Variants in NRXN3 observed in about 807,000 individuals in gnomAD.
NRXN3 encodes neurexin III.
Under a neutral mutation model 137.6 loss-of-function variants are expected in NRXN3, and 32 were observed. The observed-to-expected ratio is 0.23, with a 90% confidence interval of 0.18 to 0.31. The LOEUF is 0.31. NRXN3 is among the 10% of genes least tolerant of loss of function. The pLI is 1.00. For missense variants in NRXN3, 1,574 were observed against 2,062.5 expected (o/e 0.76, Z 4.59); for synonymous variants, 798 against 784.5 (o/e 1.02, Z -0.29).
chr14:79,106,250 T>G (rs1447211472), intron 15 of NRXN3, among the ~76,000 whole-genome samples: 2 of 152,110 alleles, frequency 1.3e-5, no homozygotes, highest in Non-Finnish European at 2.9e-5. Flanking sequence ...TGGCCTTGGA[T>G]GACGGTAGGT....
chr14:78,470,404 A>G (rs2095236781), intron 4 of NRXN3, among the ~76,000 whole-genome samples: 1 of 151,914 alleles, frequency 6.6e-6, no homozygotes, highest in Non-Finnish European at 1.5e-5. Flanking sequence ...TGCTTCAAAT[A>G]TTATACTTAG....
intron 15 of NRXN3, among the ~76,000 whole-genome samples, chr14:79,411,720 ATC>A (rs2095420285): frequency 6.6e-6 from 1 of 152,190 alleles, no homozygotes; most frequent in South Asian, 2.1e-4. Flanking sequence ...TTTCTCATTT[ATC>A]TGTCATTCAT....
chr14:79,595,135 G>C (rs1015874963), intron 16 of NRXN3, among the ~76,000 whole-genome samples: 13 of 152,160 alleles, frequency 8.5e-5, no homozygotes, highest in Admixed American at 7.9e-4. Flanking sequence ...GTGGCCAACA[G>C]GTCTTCCATG....
chr14:79,235,836 C>T (rs575690840), intron 15 of NRXN3, among the ~76,000 whole-genome samples: 1 of 152,124 alleles, frequency 6.6e-6, no homozygotes, highest in South Asian at 2.1e-4. Context: ...TTGTACTCAT[C>T]ATCACTAGAT....
chr14:79,487,069 TG>T (rs1416576484), intron 16 of NRXN3, among the ~76,000 whole-genome samples: 1 of 151,950 alleles, frequency 6.6e-6, no homozygotes, highest in African/African-American at 2.4e-5. Flanking sequence ...GTTCAAATCC[TG>T]ATCCTATCAC....
intron 16 of NRXN3, among the ~76,000 whole-genome samples, chr14:79,574,222 CCA>C (rs139060549): frequency 3.7e-4 from 55 of 147,272 alleles, no homozygotes; most frequent in Non-Finnish European, 4.1e-4. Context: ...GTGCATGCAC[CCA>C]CACACACACA....
intron 4 of NRXN3, among the ~76,000 whole-genome samples, chr14:78,413,993 G>A (rs8006308): frequency 0.45 from 68,385 of 151,990 alleles, 15,604 homozygotes; most frequent in Middle Eastern, 0.61. Context: ...TTTTATAAAA[G>A]AGAGTTCCCC....
At chr14:78,314,629 A>G (rs1056815415) in intron 4 of NRXN3, among the ~76,000 whole-genome samples, 8 of 152,172 alleles carry the variant, frequency 5.3e-5, no homozygotes, top group African/African-American at 1.9e-4. Context: ...GGAGATTGGG[A>G]AATGCAATTT....
chr14:78,218,541 G>T (rs1307490154), intron 1 of NRXN3, among the ~76,000 whole-genome samples: 2 of 152,186 alleles, frequency 1.3e-5, no homozygotes, highest in Non-Finnish European at 1.5e-5. Flanking sequence ...TCCATTTTCT[G>T]GGATACTAAT....
intron 4 of NRXN3, among the ~76,000 whole-genome samples, chr14:78,371,482 CTGGACAAGAATTCAGGA>C (rs2086818996): frequency 1.3e-5 from 2 of 152,172 alleles, no homozygotes; most frequent in Admixed American, 1.3e-4. Context: ...TTCCTGGACA[CTGGACAAGAATTCAGGA>C]TGCCCTGGAT....
chr14:79,001,980 C>G (rs540454987), intron 15 of NRXN3, among the ~76,000 whole-genome samples: 83 of 152,232 alleles, frequency 5.5e-4, no homozygotes, highest in Non-Finnish European at 9.9e-4. Context: ...ATAAATAAAG[C>G]AAGTAGGATT....
chr14:78,920,838 T>C (rs1457946332), intron 10 of NRXN3, among the ~76,000 whole-genome samples: 1 of 152,178 alleles, frequency 6.6e-6, no homozygotes, highest in Non-Finnish European at 1.5e-5. Flanking sequence ...GGACAAAACA[T>C]GAGGAAGAGG....
At chr14:79,241,535 G>A (rs368088066) in intron 15 of NRXN3, among the ~76,000 whole-genome samples, 24 of 152,150 alleles carry the variant, frequency 1.6e-4, no homozygotes, top group African/African-American at 5.1e-4. Flanking sequence ...TCACTACCAC[G>A]AGAACAGTAT....
At chr14:79,747,588 G>A (rs147952756) in intron 19 of NRXN3, among the ~76,000 whole-genome samples, 15 of 152,172 alleles carry the variant, frequency 9.9e-5, no homozygotes, top group Admixed American at 2.0e-4. Flanking sequence ...TACTAAAGCC[G>A]TGTAGTAAAT....
At position 79,271,536 on chromosome 14, in the gene NRXN3, C is replaced by T. The variant is rs574073257; in HGVS notation, c.3263-195685C>T. Among the ~76,000 whole-genome samples the T allele has an allele frequency of 1.5e-3, 216 of 141,954 alleles. 1 individual carries two copies. Among genetic ancestry groups the T allele is most frequent in the Middle Eastern group, 3.5e-3 (1 of 284 alleles). 93.1% of individuals were successfully genotyped at this position (141,954 alleles called of 152,430 possible). A position where few individuals can be genotyped will look rare whatever the true frequency, so the allele number is the denominator to read the frequency against. On this transcript the variant is annotated intron_variant, in intron 15 of 20. Transcript: ENST00000335750. Reference sequence around the variant, plus strand: ...CCTCCCCTCCTCTTTCTTCCCCTTCCCTTTCCCTGGCCTGCCCTTTCCTTC... The same window carrying T: ...CCTCCCCTCCTCTTTCTTCCCCTTCTCTTTCCCTGGCCTGCCCTTTCCTTC...
intron 19 of NRXN3, among the ~76,000 whole-genome samples, chr14:79,793,038 G>C (rs1303342801): frequency 6.6e-6 from 1 of 152,130 alleles, no homozygotes; most frequent in East Asian, 1.9e-4. Context: ...CAGATAGAGA[G>C]GGGAGTTAGA....
chr14:79,625,875 C>A (rs2098276564), intron 16 of NRXN3, among the ~76,000 whole-genome samples: 1 of 152,142 alleles, frequency 6.6e-6, no homozygotes. Flanking sequence ...CTTGGGCCGG[C>A]AACTGAGCCT....
chr14:78,183,786 T>C (rs180708196), intron 1 of NRXN3, among the ~76,000 whole-genome samples: 2,872 of 152,258 alleles, frequency 0.019, 43 homozygotes, highest in South Asian at 0.061. Context: ...GGGAGCTCCC[T>C]CCATACTGGG....
At chr14:78,926,731 T>C (rs1463321665) in intron 10 of NRXN3, among the ~76,000 whole-genome samples, 1 of 73,080 alleles carries the variant, frequency 1.4e-5, no homozygotes, top group African/African-American at 6.5e-5. Context: ...TTATATATAA[T>C]ATAAAATATA....
Sources: allele counts gnomAD v4.1 joint callset (sites outside exome capture counted in the v4.1 genomes callset), GRCh38; gene constraint gnomAD v4.1.1; transcripts MANE v1.5; gene names NCBI Gene and HGNC (gene_info 2026-07-23, HGNC 2026-07-21).